COL19A1: variants seen among roughly 807,000 people sequenced by gnomAD.
COL19A1 encodes collagen type XIX alpha 1 chain.
A neutral mutation model predicts 190.2 loss-of-function variants in COL19A1; 159 were observed. The observed-to-expected ratio is 0.84, with a 90% confidence interval of 0.73 to 0.95. The LOEUF is 0.95. Ranked by LOEUF, COL19A1 falls within the 40% of genes least tolerant of loss-of-function variation. The probability of loss-of-function intolerance (pLI) is 0.00; values close to 1 mark genes in which losing one functional copy is unlikely to be tolerated. For synonymous variants in COL19A1, 509 were observed against 458.9 expected (o/e 1.11, Z -1.39); for missense variants, 1,418 against 1,431.9 (o/e 0.99, Z 0.16).
rs1340121932 is a variant in COL19A1, at chr6:70,144,060, AG to A, written c.1627-148del. On this transcript the variant is annotated intron_variant, in intron 23 of 50. Transcript: ENST00000620364. ...CACGTAGAATCACTAATATTTTTCCAGGTCTTAAAGGCCAAAATCAATCCAA... is the reference window on the plus strand; with the variant it reads ...CACGTAGAATCACTAATATTTTTCCAGTCTTAAAGGCCAAAATCAATCCAA... The A allele has an allele frequency of 8.8e-6, 5 of 570,062 alleles. No individual in the cohort carries two copies. The East Asian group carries it at 1.3e-4, about 15-fold the overall frequency. 35.3% of individuals were successfully genotyped at this position (570,062 alleles called of 1,614,324 possible). A position where few individuals can be genotyped will look rare whatever the true frequency, so the allele number is the denominator to read the frequency against.
chr6:70,134,314 C>T (rs895487356), intron 18 of COL19A1, among the ~76,000 whole-genome samples: 79 of 152,086 alleles, frequency 5.2e-4, no homozygotes, highest in African/African-American at 1.9e-3. Context: ...AATGGCTTCT[C>T]TTATAATGTG....
intron 27 of COL19A1, among the ~76,000 whole-genome samples, chr6:70,147,224 C>T (rs1230001656): frequency 1.3e-5 from 2 of 152,092 alleles, no homozygotes; most frequent in South Asian, 4.2e-4. Context: ...ATATATATTA[C>T]AGCTTGTTTT....
intron 11 of COL19A1, among the ~76,000 whole-genome samples, 157 bp from the exon 12 acceptor site, chr6:70,023,470 G>A (rs1010118533): frequency 3.9e-5 from 6 of 152,058 alleles, no homozygotes; most frequent in Non-Finnish European, 5.9e-5. Flanking sequence ...CTTCTGTTTG[G>A]TTTTACGACT....
chr6:70,166,321 GAAA>G (rs948421686), intron 37 of COL19A1, among the ~76,000 whole-genome samples: 1 of 152,192 alleles, frequency 6.6e-6, no homozygotes, highest in African/African-American at 2.4e-5. Flanking sequence ...AGAAGGGCCA[GAAA>G]AATAGATCCT....
intron 14 of COL19A1, among the ~76,000 whole-genome samples, chr6:70,038,909 T>C (rs1402151480): frequency 6.6e-6 from 1 of 152,042 alleles, no homozygotes; most frequent in Non-Finnish European, 1.5e-5. Flanking sequence ...TACTAAAAAT[T>C]AGCTGGGCAT....
At chr6:69,999,989 C>T (rs967900200) in intron 11 of COL19A1, among the ~76,000 whole-genome samples, 1 of 151,754 alleles carries the variant, frequency 6.6e-6, no homozygotes, top group African/African-American at 2.4e-5. Flanking sequence ...CGCCTACTGA[C>T]ACATCCTTTA....
intron 34 of COL19A1, among the ~76,000 whole-genome samples, chr6:70,159,297 A>T (rs975660019): frequency 6.6e-6 from 1 of 151,898 alleles, no homozygotes; most frequent in African/African-American, 2.4e-5. Context: ...ATCAATGAAA[A>T]TTTTTTTACT....
intron 2 of COL19A1, among the ~76,000 whole-genome samples, chr6:69,896,455 T>G (rs544587265): frequency 1.4e-5 from 2 of 144,076 alleles, no homozygotes; most frequent in South Asian, 4.3e-4. Flanking sequence ...GAGAATGGCG[T>G]GAACCCGGGA....
At chr6:70,149,637 A>C in intron 27 of COL19A1, 67 bp from the exon 28 acceptor site, 1 of 1,586,556 alleles carries the variant, frequency 6.3e-7, no homozygotes, top group South Asian at 1.1e-5. Context: ...TTAGTCTTTT[A>C]TGTCACTTGG....
chr6:70,080,681 G>A (rs997943956), intron 15 of COL19A1, among the ~76,000 whole-genome samples: 4 of 152,078 alleles, frequency 2.6e-5, no homozygotes, highest in African/African-American at 7.2e-5. Context: ...CAACTTTCAC[G>A]TTTTATGTCT....
intron 15 of COL19A1, among the ~76,000 whole-genome samples, chr6:70,076,501 G>A (rs1197582400): frequency 2.0e-5 from 3 of 152,296 alleles, no homozygotes; most frequent in South Asian, 4.1e-4. Flanking sequence ...ACATTGTGAT[G>A]AGCACACATT....
intron 1 of COL19A1, among the ~76,000 whole-genome samples, chr6:69,867,093 CTTT>C (rs3044170): frequency 0.015 from 2,050 of 141,006 alleles, 29 homozygotes; most frequent in African/African-American, 0.039. Context: ...CGTTAGAGCG[CTTT>C]TTTTTTTTTT....
chr6:70,097,878 A>G (rs959420871), intron 15 of COL19A1, among the ~76,000 whole-genome samples: 4 of 152,152 alleles, frequency 2.6e-5, no homozygotes, highest in African/African-American at 4.8e-5. Flanking sequence ...GCCACCTGAG[A>G]ATAGCCACCC....
chr6:70,146,797 C>G lies in COL19A1; in HGVS notation c.1816-15C>G. ...CTCTTGAGCCTTGCAGTAACAGAAG[C>G]CTTTCATTTCACAGGGTGAAAGAGG... On this transcript the variant is annotated splice_polypyrimidine_tract_variant and intron_variant, in intron 26 of 50. Transcript: ENST00000620364. 3 of 1,589,792 alleles carry G rather than the reference C, an allele frequency of 1.9e-6. No homozygotes were observed. Among genetic ancestry groups the G allele is most frequent in the Non-Finnish European group, 2.6e-6 (3 of 1,170,552 alleles).
At chr6:70,115,152 T>C (rs1784491396) in intron 16 of COL19A1, among the ~76,000 whole-genome samples, 1 of 152,190 alleles carries the variant, frequency 6.6e-6, no homozygotes, top group Non-Finnish European at 1.5e-5. Context: ...TACTGTCTTC[T>C]CCTGTCCTTA....
At chr6:70,058,356 G>A (rs1161449124) in intron 14 of COL19A1, among the ~76,000 whole-genome samples, 1 of 151,966 alleles carries the variant, frequency 6.6e-6, no homozygotes, top group Non-Finnish European at 1.5e-5. Flanking sequence ...GGATAAAATT[G>A]TTCACCCAGT....
intron 47 of COL19A1, among the ~76,000 whole-genome samples, chr6:70,188,925 G>T (rs920891677): frequency 1.3e-5 from 2 of 152,152 alleles, no homozygotes; most frequent in South Asian, 2.1e-4. Flanking sequence ...CAGATATAAA[G>T]CAAAACTGAG....
At chr6:69,870,792 G>A (rs553457790) in intron 1 of COL19A1, among the ~76,000 whole-genome samples, 1 of 152,288 alleles carries the variant, frequency 6.6e-6, no homozygotes, top group South Asian at 2.1e-4. Context: ...GGAGTCTATT[G>A]CAATTTTCCA....
At chr6:69,963,154 A>G (rs1774899844) in intron 11 of COL19A1, among the ~76,000 whole-genome samples, 1 of 152,222 alleles carries the variant, frequency 6.6e-6, no homozygotes, top group Non-Finnish European at 1.5e-5. Flanking sequence ...ATATTTTTAT[A>G]TTATGAAATC....
Sources: allele counts gnomAD v4.1 joint callset (sites outside exome capture counted in the v4.1 genomes callset), GRCh38; gene constraint gnomAD v4.1.1; transcripts MANE v1.5; gene names NCBI Gene and HGNC (gene_info 2026-07-23, HGNC 2026-07-21).